Variants in FSTL5 observed in about 807,000 individuals in gnomAD.
FSTL5 encodes the protein follistatin-related protein 5.
A neutral mutation model predicts 89.1 loss-of-function variants in FSTL5; 62 were observed. The ratio of observed to expected loss-of-function variants is 0.70; its 90% confidence interval spans 0.57 to 0.86. The LOEUF (loss-of-function observed/expected upper bound fraction) is 0.86. FSTL5 is among the 40% of genes least tolerant of loss of function. The probability of loss-of-function intolerance (pLI) is 0.00; values close to 1 mark genes in which losing one functional copy is unlikely to be tolerated. For missense variants in FSTL5, 1,057 were observed against 1,001.6 expected (o/e 1.06, Z -0.75); for synonymous variants, 383 against 346.2 (o/e 1.11, Z -1.18).
intron 12 of FSTL5, among the ~76,000 whole-genome samples, chr4:161,483,839 T>A (rs188182644): frequency 2.6e-4 from 40 of 152,230 alleles, no homozygotes; most frequent in Non-Finnish European, 4.9e-4. Flanking sequence ...AAGAGTATTA[T>A]TAAATCGCTT....
chr4:161,433,132 A>C (rs1732437441), intron 15 of FSTL5, among the ~76,000 whole-genome samples: 1 of 142,668 alleles, frequency 7.0e-6, no homozygotes, highest in South Asian at 2.3e-4. Flanking sequence ...AAAAAAAAAA[A>C]CTATAGGTGA....
chr4:161,507,188 T>A (rs1264645266), intron 11 of FSTL5, among the ~76,000 whole-genome samples: 1 of 151,972 alleles, frequency 6.6e-6, no homozygotes, highest in Admixed American at 6.6e-5. Flanking sequence ...CTTCAGTGAA[T>A]CAAATAATTT....
In FSTL5 at chr4:162,061,426, C is replaced by A. The variant is rs187544114; in HGVS notation, c.127-27768G>T. The stretch of plus-strand genomic sequence containing the variant: ...CTCCATTCCAGGTCAGTGGATGCCT[C>A]AGACACCCAGAGTGTTGGAAATGGT... On this transcript the variant is annotated intron_variant, in intron 2 of 15. Transcript: ENST00000306100. Among the ~76,000 whole-genome samples, 22 of 152,250 alleles carry A rather than the reference C, an allele frequency of 1.4e-4. 1 individual carries two copies. In the East Asian group the frequency reaches 4.1e-3, roughly 28 times the overall value.
intron 3 of FSTL5, among the ~76,000 whole-genome samples, chr4:161,987,020 T>C (rs1735981753): frequency 6.6e-6 from 1 of 152,176 alleles, no homozygotes; most frequent in Non-Finnish European, 1.5e-5. Context: ...CTTTTCTCAC[T>C]GTACTCTGAA....
intron 6 of FSTL5, among the ~76,000 whole-genome samples, chr4:161,691,113 A>G: frequency 6.6e-6 from 1 of 152,122 alleles, no homozygotes; most frequent in Non-Finnish European, 1.5e-5. Flanking sequence ...ATCAAATAAT[A>G]CATTGTGAAA....
chr4:161,603,791 G>A (rs568554250), intron 7 of FSTL5, among the ~76,000 whole-genome samples: 3 of 152,134 alleles, frequency 2.0e-5, no homozygotes, highest in East Asian at 1.9e-4. Context: ...AGGTGTCAAC[G>A]TACCTGAAAA....
chr4:161,491,283 C>G (rs1428053332), intron 12 of FSTL5, among the ~76,000 whole-genome samples: 1 of 151,834 alleles, frequency 6.6e-6, no homozygotes, highest in Admixed American at 6.6e-5. Context: ...TTATTTAATT[C>G]TATCTTTTAA....
At chr4:162,013,184 T>TA (rs201396213) in intron 3 of FSTL5, among the ~76,000 whole-genome samples, 1,468 of 141,926 alleles carry the variant, frequency 0.01, 14 homozygotes, top group African/African-American at 0.028. Context: ...GACTCTGTCT[T>TA]AAAAAAAAAA....
At chr4:161,570,678 G>A (rs538820216) in intron 8 of FSTL5, among the ~76,000 whole-genome samples, 4 of 152,270 alleles carry the variant, frequency 2.6e-5, no homozygotes, top group South Asian at 4.1e-4. Context: ...TACAAACATC[G>A]TAGATAAAAT....
intron 2 of FSTL5, among the ~76,000 whole-genome samples, chr4:162,071,532 A>G (rs570526719): frequency 3.9e-5 from 6 of 151,930 alleles, no homozygotes; most frequent in African/African-American, 1.4e-4. Flanking sequence ...AATAGACTCC[A>G]ATACAATAAG....
intron 6 of FSTL5, among the ~76,000 whole-genome samples, chr4:161,716,553 TGCCACTGCACTCCA>T (rs1467208447): frequency 3.9e-5 from 6 of 152,026 alleles, no homozygotes; most frequent in Admixed American, 3.9e-4. Flanking sequence ...TCCGAGATCA[TGCCACTGCACTCCA>T]GCCTGGGCAA....
At chr4:161,978,322 T>C (rs946220458) in intron 3 of FSTL5, among the ~76,000 whole-genome samples, 1 of 152,128 alleles carries the variant, frequency 6.6e-6, no homozygotes, top group Non-Finnish European at 1.5e-5. Context: ...ATAACTTCAA[T>C]TGGAAAAACA....
At chr4:162,094,619 T>C (rs1351270172) in intron 2 of FSTL5, among the ~76,000 whole-genome samples, 6 of 152,062 alleles carry the variant, frequency 3.9e-5, no homozygotes, top group Non-Finnish European at 8.8e-5. Context: ...CATGAAAGAA[T>C]ACCTACTGTA....
At chr4:162,056,682 A>G (rs950918533) in intron 2 of FSTL5, among the ~76,000 whole-genome samples, 1 of 152,204 alleles carries the variant, frequency 6.6e-6, no homozygotes, top group African/African-American at 2.4e-5. Flanking sequence ...AAAGAATATA[A>G]TAGGAATCCT....
At chr4:161,940,608 G>C (rs1734555057) in intron 3 of FSTL5, among the ~76,000 whole-genome samples, 1 of 151,616 alleles carries the variant, frequency 6.6e-6, no homozygotes, top group Non-Finnish European at 1.5e-5. Flanking sequence ...GTAGTTGGAA[G>C]ATAAGTTTAA....
At position 161,847,785 on chromosome 4, in the gene FSTL5, C is replaced by T. The variant is rs970580075; in HGVS notation, c.410-71711G>A. Among the ~76,000 whole-genome samples the T allele has an allele frequency of 8.6e-5, 13 of 151,682 alleles. 1 individual carries two copies. In the East Asian group the frequency reaches 1.9e-3, roughly 23 times the overall value. ...GGTGCGGTGGCACACTCCTATAATC[C>T]GAGGACTTTGGGAGGCCAGGGCGGG... is the stretch of plus-strand genomic sequence containing the variant. On this transcript the variant is annotated intron_variant, in intron 4 of 15. Transcript: ENST00000306100.
Position 161,384,399 on chromosome 4 carries a change from T to C in FSTL5, c.*1348A>G, listed in dbSNP as rs547231222. On this transcript the variant is annotated 3_prime_UTR_variant, in exon 16 of 16. Transcript: ENST00000306100. The stretch of plus-strand genomic sequence containing the variant: ...AAGCTATTACTTTAAGCCTGGATAA[T>C]TATCTGCTTATTTTAATAAACCAGC... 6.6e-6 allele frequency: 1 copy of C among 152,156 alleles called. No individual in the cohort carries two copies. Among genetic ancestry groups the C allele is most frequent in the Non-Finnish European group, 1.5e-5 (1 of 67,992 alleles). The allele number at this position is 152,156 out of a possible 1,614,324, so 9.4% of individuals were successfully genotyped here.
intron 4 of FSTL5, among the ~76,000 whole-genome samples, chr4:161,814,511 T>C (rs1730266118): frequency 6.6e-6 from 1 of 152,162 alleles, no homozygotes; most frequent in Non-Finnish European, 1.5e-5. Flanking sequence ...AACCTTAGCT[T>C]CAGGTTTTAT....
intron 8 of FSTL5, chr4:161,552,654 T>C (rs900639194): frequency 6.6e-6 from 1 of 151,758 alleles, no homozygotes; most frequent in Admixed American, 6.6e-5. Flanking sequence ...ATAGATTATA[T>C]ATATGAAAAA....
Sources: gnomAD v4.1 joint callset for allele counts (sites outside exome capture counted in the v4.1 genomes callset) on GRCh38, gnomAD v4.1.1 for gene constraint, MANE v1.5 for transcripts, NCBI Gene and HGNC (gene_info 2026-07-23, HGNC 2026-07-21) for gene names.